Variants in CHRND observed in about 807,000 individuals in gnomAD.
CHRND encodes the protein acetylcholine receptor subunit delta.
CHRND carries 40 observed loss-of-function variants against 57.8 expected under a neutral mutation model. That is an observed-to-expected ratio of 0.69 (90% confidence interval 0.54 to 0.90). CHRND has a LOEUF of 0.90. CHRND is among the 40% of genes least tolerant of loss of function. CHRND has a pLI of 0.00. For synonymous variants in CHRND, 237 were observed against 270.6 expected (o/e 0.88, Z 1.22); for missense variants, 634 against 673.9 (o/e 0.94, Z 0.66).
chr2:232,528,809 C>A, intron 5 of CHRND, 53 bp from the exon 6 acceptor site: 1 of 1,580,844 alleles, frequency 6.3e-7, no homozygotes. Flanking sequence ...CTTCCCCACT[C>A]TGTGGCCCCA....
rs778967055 is a variant in CHRND, at chr2:232,536,506, C to T, written c.*1194C>T. 9.7e-5 allele frequency: 44 copies of T among 453,066 alleles called. No homozygotes were observed. The highest frequency in any genetic ancestry group is 6.7e-4 in the South Asian group (43 of 64,476). 28.1% of individuals were successfully genotyped at this position (453,066 alleles called of 1,614,324 possible). Reference sequence around the variant, plus strand: ...ACGTGAGTGAATGTGGAAGTGGATCCTCTGCCCCAGTAGGGCCTTCGGATG... The same window carrying T: ...ACGTGAGTGAATGTGGAAGTGGATCTTCTGCCCCAGTAGGGCCTTCGGATG... On this transcript the variant is annotated 3_prime_UTR_variant, in exon 12 of 12. Transcript: ENST00000258385.
intron 7 of CHRND, 71 bp downstream of exon 7, chr2:232,530,210 C>A: frequency 6.6e-7 from 1 of 1,509,618 alleles, no homozygotes; most frequent in East Asian, 2.3e-5. Context: ...CCCAGCCCTG[C>A]CCCCTCACTT....
At chr2:232,527,483 GC>G (rs1691523159) in intron 3 of CHRND, 38 bp downstream of exon 3, 1 of 1,551,014 alleles carries the variant, frequency 6.4e-7, no homozygotes, top group African/African-American at 1.4e-5. Flanking sequence ...AGTGGCTCAT[GC>G]CTGTAATCCC....
chr2:232,530,494 G>C (rs1305006813), intron 7 of CHRND, among the ~76,000 whole-genome samples: 1 of 152,360 alleles, frequency 6.6e-6, no homozygotes. Flanking sequence ...GAACCAGTGG[G>C]TGAATAACAG....
chr2:232,528,316 G>C lies in CHRND; in HGVS notation c.298G>C (p.Val100Leu), dbSNP rs955184518. Residue 100 changes from valine to leucine, a missense_variant, in exon 4 of 12, where the codon GTC (valine) becomes CTC (leucine). Coordinates refer to ENST00000258385, the MANE Select transcript of CHRND (RefSeq NM_000751.3). ...WNAEEFGNISVLRLPPDMVWL... is the reference protein window; with the variant it reads ...WNAEEFGNISLLRLPPDMVWL... ...TGCTGAAGAATTTGGAAACATCAGT[G>C]TCCTGCGCCTCCCCCCGGACATGGT... 2 of 1,614,108 alleles carry C rather than the reference G, an allele frequency of 1.2e-6. No individual in the cohort carries two copies. The highest frequency in any genetic ancestry group is 1.7e-6 in the Non-Finnish European group (2 of 1,180,022).
chr2:232,529,815 C>A, intron 6 of CHRND, 124 bp from the exon 7 acceptor site: 2 of 980,300 alleles, frequency 2.0e-6, no homozygotes, highest in East Asian at 2.5e-5. Flanking sequence ...CCAACGGGAC[C>A]CCGTAGACAG....
chr2:232,528,182 G>A (rs1691552142), intron 3 of CHRND, 80 bp from the exon 4 acceptor site: 1 of 1,323,668 alleles, frequency 7.6e-7, no homozygotes, highest in African/African-American at 1.5e-5. Context: ...ACCCTGTTCA[G>A]TCTTCTCTCA....
chr2:232,529,514 A>C (rs1691606079), intron 6 of CHRND, among the ~76,000 whole-genome samples: 1 of 152,168 alleles, frequency 6.6e-6, no homozygotes, highest in South Asian at 2.1e-4. Flanking sequence ...CTGGCTCATT[A>C]TCCCCAAGGC....
At chr2:232,531,155 C>G (rs1691674971) in intron 7 of CHRND, among the ~76,000 whole-genome samples, 197 bp from the exon 8 acceptor site, 1 of 152,170 alleles carries the variant, frequency 6.6e-6, no homozygotes, top group Non-Finnish European at 1.5e-5. Context: ...CCCAAGGTCA[C>G]CCAGCTAGTA....
At position 232,534,086 on chromosome 2, in the gene CHRND, C is replaced by A. The variant is rs138405676; in HGVS notation, c.1203C>A (p.Phe401Leu). ...TCAAGTCCCGCAGTGACCTCATGTT[C>A]GAGAAGCAGTCAGAGCGGCATGGGC... ...FLLKSRSDLMFEKQSERHGLA... is the reference protein window; with the variant it reads ...FLLKSRSDLMLEKQSERHGLA... Residue 401 changes from phenylalanine (F) to leucine (L), a missense_variant, in exon 10 of 12, where the codon TTC (phenylalanine) becomes TTA (leucine). Physicochemically the swap from Phe to Leu is conservative, Grantham distance 22. Transcript: ENST00000258385. The A allele has an allele frequency of 6.2e-7, 1 of 1,614,098 alleles. No homozygotes were observed. Among genetic ancestry groups the A allele is most frequent in the Non-Finnish European group, 8.5e-7 (1 of 1,180,028 alleles).
intron 9 of CHRND, among the ~76,000 whole-genome samples, chr2:232,531,948 A>G (rs1283897997): frequency 3.6e-5 from 2 of 55,990 alleles, no homozygotes; most frequent in African/African-American, 8.4e-5. Flanking sequence ...CCTTGTCTCA[A>G]AAAAAAAAAA....
chr2:232,531,292 T>C (rs774786826), intron 7 of CHRND, 60 bp from the exon 8 acceptor site: 1 of 914,196 alleles, frequency 1.1e-6, no homozygotes, highest in Non-Finnish European at 1.6e-6. Context: ...TGCCCCAAGG[T>C]CACAGCTGGA....
At position 232,530,040 on chromosome 2, in the gene CHRND, A is replaced by T; in HGVS notation, c.721A>T (p.Ile241Phe). Residue 241 changes from isoleucine to phenylalanine, a missense_variant, in exon 7 of 12, where the codon ATC (isoleucine) becomes TTC (phenylalanine). By Grantham distance (21) the Ile-to-Phe change is conservative. Coordinates refer to ENST00000258385, the MANE Select transcript of CHRND (RefSeq NM_000751.3). ...CCGCCAGGACATCACCTTCTACCTC[A>T]TCATCCGCCGCAAGCCCCTCTTCTA... ...PSRQDITFYL[I>F]IRRKPLFYII... 1 of 1,614,046 alleles carries T rather than the reference A, an allele frequency of 6.2e-7. No homozygotes were observed. Among genetic ancestry groups the T allele is most frequent in the East Asian group, 2.2e-5 (1 of 44,864 alleles).
intron 1 of CHRND, 76 bp from the exon 2 acceptor site, chr2:232,526,453 C>T (rs968410979): frequency 3.7e-6 from 6 of 1,606,054 alleles, no homozygotes; most frequent in Non-Finnish European, 5.1e-6. Context: ...CATGGTCCAG[C>T]AGGACCTCAG....
At chr2:232,534,407 C>G in intron 11 of CHRND, 65 bp downstream of exon 11, 1 of 1,499,176 alleles carries the variant, frequency 6.7e-7, no homozygotes, top group Non-Finnish European at 9.3e-7. Context: ...TGTATTCTAT[C>G]TTAAGAGGGC....
At chr2:232,531,770 G>C (rs1691707667) in intron 9 of CHRND, 114 bp downstream of exon 9, 2 of 824,914 alleles carry the variant, frequency 2.4e-6, no homozygotes, top group South Asian at 2.8e-5. Context: ...GCAACATAGA[G>C]ACACCCCTGT....
Position 232,528,509 on chromosome 2 carries a change from G to C in CHRND, c.362G>C (p.Gly121Ala), listed in dbSNP as rs1387462109. ...PEIVLENNND[G>A]SFQISYSCNV... Reference sequence around the variant, plus strand: ...TTGTCCCTGTCCCCCAGCAATGACGGCTCCTTCCAGATCTCCTACTCCTGC... The same window carrying C: ...TTGTCCCTGTCCCCCAGCAATGACGCCTCCTTCCAGATCTCCTACTCCTGC... The change falls in exon 5 of 12, where the codon GGC (glycine) becomes GCC (alanine). Residue 121 changes from glycine (G) to alanine (A), a missense_variant. Gly to Ala is a moderately conservative substitution (Grantham distance 60, BLOSUM62 0). Transcript: ENST00000258385. The C allele has an allele frequency of 1.2e-6, 2 of 1,614,052 alleles. No homozygotes were observed. The highest frequency in any genetic ancestry group is 2.2e-5 in the South Asian group (2 of 91,074).
intron 6 of CHRND, 127 bp downstream of exon 6, chr2:232,529,098 C>G: frequency 1.4e-6 from 1 of 719,350 alleles, no homozygotes; most frequent in Non-Finnish European, 2.5e-6. Flanking sequence ...CACAGCTCCT[C>G]ACACACGCAG....
chr2:232,535,056 T>A, intron 11 of CHRND, 74 bp from the exon 12 acceptor site: 1 of 1,570,294 alleles, frequency 6.4e-7, no homozygotes, highest in South Asian at 1.1e-5. Flanking sequence ...CCTCCATGGC[T>A]GGGCCCCAGC....
Sources: gnomAD v4.1 joint callset for allele counts (sites outside exome capture counted in the v4.1 genomes callset) on GRCh38, gnomAD v4.1.1 for gene constraint, MANE v1.5 for transcripts, NCBI Gene and HGNC (gene_info 2026-07-23, HGNC 2026-07-21) for gene names.